Variants in CEP350 observed in about 807,000 individuals in gnomAD.
The protein encoded by CEP350 is centrosomal protein 350.
Under a neutral mutation model 331.8 loss-of-function variants are expected in CEP350, and 126 were observed. The observed-to-expected ratio is 0.38, with a 90% CI of 0.33 to 0.44. The LOEUF (loss-of-function observed/expected upper bound fraction) is 0.44. CEP350 is among the 20% of genes least tolerant of loss of function. The pLI, the probability that CEP350 is intolerant of heterozygous loss-of-function variation, is 1.00. For missense variants in CEP350, 3,406 were observed against 3,634.6 expected (o/e 0.94, Z 1.62); for synonymous variants, 1,200 against 1,259.5 (o/e 0.95, Z 1.00).
chr1:180,085,991 A>T (rs1311573467), intron 31 of CEP350: 1 of 152,254 alleles, frequency 6.6e-6, no homozygotes, highest in African/African-American at 2.4e-5. Context: ...TTAATGATTT[A>T]TCCAAGGATA....
intron 12 of CEP350, among the ~76,000 whole-genome samples, chr1:180,022,334 G>GTTAAACTGAA (rs1655380100): frequency 6.6e-6 from 1 of 151,912 alleles, no homozygotes; most frequent in Admixed American, 6.6e-5. Context: ...GAAATATTTA[G>GTTAAACTGAA]AGATGAAATG....
At chr1:179,977,529 G>T (rs936136388) in intron 1 of CEP350, among the ~76,000 whole-genome samples, 5 of 152,050 alleles carry the variant, frequency 3.3e-5, no homozygotes, top group African/African-American at 1.2e-4. Context: ...TAGCTACATG[G>T]GTGTTTATTA....
At chr1:179,987,455 T>TAATATATATACTATATACAGTATATAC in intron 3 of CEP350, among the ~76,000 whole-genome samples, 169 bp downstream of exon 3, 1 of 147,888 alleles carries the variant, frequency 6.8e-6, no homozygotes, top group South Asian at 2.1e-4. Flanking sequence ...ACACTATATA[T>TAATATATATACTATATACAGTATATAC]AATATATATA....
intron 5 of CEP350, among the ~76,000 whole-genome samples, chr1:179,993,238 T>TA (rs1206482258): frequency 3.3e-5 from 5 of 151,582 alleles, no homozygotes; most frequent in Non-Finnish European, 7.4e-5. Context: ...AGTTCAGAGT[T>TA]AAAAAAAAGA....
intron 1 of CEP350, among the ~76,000 whole-genome samples, chr1:179,961,876 GTC>G (rs1650652525): frequency 6.6e-6 from 1 of 151,750 alleles, no homozygotes; most frequent in Non-Finnish European, 1.5e-5. Context: ...TTGAGATGGA[GTC>G]TCTGTCACCC....
In CEP350 at chr1:180,014,524, A is replaced by G. The variant is rs1430380839; in HGVS notation, c.2052+19A>G. 1.3e-6 allele frequency: 2 copies of G among 1,563,694 alleles called. No homozygotes were observed. The highest frequency in any genetic ancestry group is 1.4e-5 in the African/African-American group (1 of 72,586). ...AACACAGGTAATAGTAGTGACATAT[A>G]CAAAGGAGAGTCATTCATGGTTAGG... On this transcript the variant is annotated intron_variant, in intron 10 of 37. Coordinates refer to ENST00000367607, the MANE Select transcript of CEP350 (RefSeq NM_014810.5).
At chr1:180,090,120 A>C (rs3930305) in intron 32 of CEP350, among the ~76,000 whole-genome samples, 5 of 152,094 alleles carry the variant, frequency 3.3e-5, no homozygotes, top group African/African-American at 1.2e-4. Context: ...GAGGAAAGGC[A>C]GTTAGGATGG....
At chr1:179,985,921 T>C (rs1054363790) in intron 1 of CEP350, among the ~76,000 whole-genome samples, 10 of 152,120 alleles carry the variant, frequency 6.6e-5, no homozygotes, top group African/African-American at 2.4e-4. Context: ...CTAATTTTAC[T>C]TTTTTTAGGA....
intron 11 of CEP350, 106 bp from the exon 12 acceptor site, chr1:180,019,843 C>CTTTTTT: frequency 4.5e-6 from 4 of 890,214 alleles, no homozygotes; most frequent in African/African-American, 3.4e-5. Context: ...TTTATCTGTC[C>CTTTTTT]TTTTTTTGTT....
intron 1 of CEP350, among the ~76,000 whole-genome samples, chr1:179,982,142 T>A (rs1313525899): frequency 6.6e-6 from 1 of 152,214 alleles, no homozygotes; most frequent in Non-Finnish European, 1.5e-5. Context: ...AACGTACCAT[T>A]GAAATCAGCA....
chr1:180,017,600 A>G (rs987812361), intron 11 of CEP350, among the ~76,000 whole-genome samples: 3 of 152,146 alleles, frequency 2.0e-5, no homozygotes, highest in African/African-American at 7.2e-5. Context: ...CCAGTTTCTC[A>G]CTTTTCTTTT....
intron 27 of CEP350, among the ~76,000 whole-genome samples, chr1:180,070,123 A>G (rs905783050): frequency 3.3e-5 from 5 of 152,198 alleles, no homozygotes; most frequent in African/African-American, 4.8e-5. Flanking sequence ...TTTACATGCA[A>G]TTCCAGGGTA....
chr1:179,991,715 A>G lies in CEP350; in HGVS notation c.236-347A>G, dbSNP rs912938399. On this transcript the variant is annotated intron_variant, in intron 4 of 37. Transcript: ENST00000367607. ...TGTGTGTGTGTGTGTGTGTATATATATATATATATACATTTTTTTTTAACC... is the reference window on the plus strand; with the variant it reads ...TGTGTGTGTGTGTGTGTGTATATATGTATATATATACATTTTTTTTTAACC... 2.1e-3 allele frequency among the ~76,000 whole-genome samples: 218 copies of G among 101,608 alleles called. 2 individuals carry two copies. The highest frequency in any genetic ancestry group is 6.6e-3 in the African/African-American group (202 of 30,526). 66.7% of individuals were successfully genotyped at this position (101,608 alleles called of 152,430 possible). A position where few individuals can be genotyped will look rare whatever the true frequency, so the allele number is the denominator to read the frequency against.
At chr1:180,087,447 G>A (rs907844349) in intron 31 of CEP350, 131 bp from the exon 32 acceptor site, 4 of 750,090 alleles carry the variant, frequency 5.3e-6, no homozygotes, top group African/African-American at 3.7e-5. Flanking sequence ...GCTGAGGGGG[G>A]CAGGGAGGGA....
intron 26 of CEP350, among the ~76,000 whole-genome samples, chr1:180,064,704 T>C (rs1658439919): frequency 6.6e-6 from 1 of 152,210 alleles, no homozygotes; most frequent in Non-Finnish European, 1.5e-5. Context: ...TGTTACATCT[T>C]CCAGTCATTC....
intron 1 of CEP350, among the ~76,000 whole-genome samples, chr1:179,959,962 A>AT (rs1370427374): frequency 6.6e-6 from 1 of 152,160 alleles, no homozygotes; most frequent in African/African-American, 2.4e-5. Flanking sequence ...AATGTTGTCC[A>AT]TAAGTACTTG....
intron 8 of CEP350, among the ~76,000 whole-genome samples, chr1:180,010,500 A>C (rs1278406243): frequency 1.3e-5 from 2 of 151,268 alleles, no homozygotes; most frequent in Non-Finnish European, 2.9e-5. Context: ...ACCAGCATTG[A>C]CTATTAATGT....
intron 27 of CEP350, among the ~76,000 whole-genome samples, chr1:180,069,978 CAAT>C (rs1457621869): frequency 6.6e-6 from 1 of 152,150 alleles, no homozygotes; most frequent in African/African-American, 2.4e-5. Flanking sequence ...AATAAAGCAG[CAAT>C]AATTTTCTTC....
rs747701740 is a variant in CEP350, at chr1:180,022,731, C to T, written c.3269C>T (p.Thr1090Ile). 1 of 1,612,476 alleles carries T rather than the reference C, an allele frequency of 6.2e-7. No individual in the cohort carries two copies. The highest frequency in any genetic ancestry group is 2.2e-5 in the East Asian group (1 of 44,876). Reference sequence around the variant, plus strand: ...GACAAGTTGGACAGAGGAACATCAACATCACGGCCTTTGAATGCCACCGCA... The same window carrying T: ...GACAAGTTGGACAGAGGAACATCAATATCACGGCCTTTGAATGCCACCGCA... ...FEDKLDRGTS[T>I]SRPLNATATP... The change falls in exon 13 of 38, where the codon ACA becomes ATA. Residue 1090 changes from threonine (T) to isoleucine (I), a missense_variant. This residue lies in a region of CEP350 where 1,857 missense variants were observed against 1,909.2 expected (regional missense o/e 0.97). Coordinates refer to ENST00000367607, the MANE Select transcript of CEP350 (RefSeq NM_014810.5).
Sources: gnomAD v4.1 joint callset for allele counts (sites outside exome capture counted in the v4.1 genomes callset) on GRCh38, gnomAD v4.1.1 for gene constraint, gnomAD v4.1.1 regional missense constraint, MANE v1.5 for transcripts, NCBI Gene and HGNC (gene_info 2026-07-23, HGNC 2026-07-21) for gene names.